LINGO2: variants seen among roughly 807,000 people sequenced by gnomAD.
The protein encoded by LINGO2 is leucine-rich repeat and immunoglobulin-like domain-containing nogo receptor-interacting protein 2.
Under a neutral mutation model 30.6 loss-of-function variants are expected in LINGO2, and 14 were observed. The ratio of observed to expected loss-of-function variants is 0.46; its 90% CI spans 0.30 to 0.72. The LOEUF is 0.72. LINGO2 is among the 30% of genes least tolerant of loss of function. The probability of loss-of-function intolerance (pLI) is 0.07; values close to 1 mark genes in which losing one functional copy is unlikely to be tolerated. For missense variants in LINGO2, 729 were observed against 751.7 expected (o/e 0.97, Z 0.35); for synonymous variants, 317 against 288.5 (o/e 1.10, Z -1.00).
chr9:28,943,309 G>C, the LINGO2 span, among the ~76,000 whole-genome samples: 2 of 151,946 alleles, frequency 1.3e-5, no homozygotes, highest in Non-Finnish European at 2.9e-5. Context: ...GACTACTATG[G>C]GAATTAAATA....
chr9:29,115,862 ATAAT>A, the LINGO2 span, among the ~76,000 whole-genome samples: 21 of 152,160 alleles, frequency 1.4e-4, no homozygotes, highest in South Asian at 3.3e-3. Flanking sequence ...ACATAAATAA[ATAAT>A]ATCTAGAAAA....
chr9:28,987,595 G>A, the LINGO2 span, among the ~76,000 whole-genome samples: 1 of 151,746 alleles, frequency 6.6e-6, no homozygotes, highest in Non-Finnish European at 1.5e-5. Context: ...GACTTAGTTT[G>A]TTCTTCTTTT....
the LINGO2 span, among the ~76,000 whole-genome samples, chr9:29,029,210 G>T: frequency 6.6e-6 from 1 of 152,240 alleles, no homozygotes; most frequent in East Asian, 1.9e-4. Context: ...GATTAAGGTT[G>T]TGGGCCCTGA....
At chr9:28,093,927 A>G (rs768608850) in intron 4 of LINGO2, among the ~76,000 whole-genome samples, 20 of 152,160 alleles carry the variant, frequency 1.3e-4, no homozygotes, top group East Asian at 3.9e-4. Flanking sequence ...GATTGTAGTG[A>G]AGGTACATGC....
intron 4 of LINGO2, among the ~76,000 whole-genome samples, chr9:28,108,762 T>G (rs1826674860): frequency 1.3e-5 from 2 of 152,136 alleles, no homozygotes; most frequent in Non-Finnish European, 2.9e-5. Flanking sequence ...TTCTGAACAC[T>G]TAGTTCTTTC....
At chr9:28,208,606 G>C (rs1445477038) in intron 4 of LINGO2, among the ~76,000 whole-genome samples, 1 of 151,864 alleles carries the variant, frequency 6.6e-6, no homozygotes, top group Non-Finnish European at 1.5e-5. Context: ...TGGTTTCCTG[G>C]AGTACACAGC....
intron 4 of LINGO2, among the ~76,000 whole-genome samples, chr9:28,263,084 G>A (rs1439103464): frequency 4.6e-5 from 7 of 151,800 alleles, no homozygotes. Flanking sequence ...CTGTTATCTT[G>A]CAGTCCTCTT....
chr9:29,107,174 A>G, the LINGO2 span, among the ~76,000 whole-genome samples: 3 of 152,182 alleles, frequency 2.0e-5, no homozygotes, highest in African/African-American at 7.2e-5. Context: ...GGAAGAAAAA[A>G]TAATAAATCC....
At chr9:28,929,916 C>T in the LINGO2 span, among the ~76,000 whole-genome samples, 1 of 152,140 alleles carries the variant, frequency 6.6e-6, no homozygotes, top group African/African-American at 2.4e-5. Context: ...ACCTCATTTC[C>T]TTAACACCTT....
intron 1 of LINGO2, among the ~76,000 whole-genome samples, chr9:28,625,812 A>T (rs1175700113): frequency 6.6e-6 from 1 of 152,088 alleles, no homozygotes; most frequent in African/African-American, 2.4e-5. Flanking sequence ...CACTGTTTGC[A>T]TCGTATAGCT....
intron 2 of LINGO2, among the ~76,000 whole-genome samples, chr9:28,429,180 C>A (rs1345983333): frequency 1.3e-5 from 2 of 152,102 alleles, no homozygotes; most frequent in African/African-American, 4.8e-5. Flanking sequence ...GAAATAGATA[C>A]AAAGAGTATT....
chr9:28,923,616 A>G, the LINGO2 span, among the ~76,000 whole-genome samples: 25 of 127,318 alleles, frequency 2.0e-4, no homozygotes, highest in African/African-American at 5.8e-4. Context: ...CTTGGCATAC[A>G]ACAGGATGGG....
chr9:28,663,632 A>C (rs1419968014), intron 1 of LINGO2, among the ~76,000 whole-genome samples: 1 of 152,214 alleles, frequency 6.6e-6, no homozygotes, highest in East Asian at 1.9e-4. Context: ...CCTCTGCTTC[A>C]TATCTCCAAA....
At chr9:28,222,526 A>AT (rs71502443) in intron 4 of LINGO2, among the ~76,000 whole-genome samples, 2 of 143,276 alleles carry the variant, frequency 1.4e-5, no homozygotes, top group East Asian at 2.0e-4. Flanking sequence ...TAAAGGCAAA[A>AT]TTTAAAAAAA....
the LINGO2 span, among the ~76,000 whole-genome samples, chr9:28,765,649 C>T: frequency 6.6e-6 from 1 of 151,916 alleles, no homozygotes; most frequent in Non-Finnish European, 1.5e-5. Context: ...GTGTCTACTT[C>T]CCCTTTGACC....
intron 3 of LINGO2, among the ~76,000 whole-genome samples, chr9:28,355,884 C>T (rs1370005379): frequency 6.6e-6 from 1 of 152,154 alleles, no homozygotes; most frequent in Non-Finnish European, 1.5e-5. Context: ...TCATGCTACA[C>T]AAATGTGCAA....
chr9:28,968,666 G>T, the LINGO2 span, among the ~76,000 whole-genome samples: 1 of 152,098 alleles, frequency 6.6e-6, no homozygotes, highest in African/African-American at 2.4e-5. Flanking sequence ...TGCAGAGAAT[G>T]AATTAGATCT....
the LINGO2 span, among the ~76,000 whole-genome samples, chr9:29,081,259 C>T: frequency 6.6e-6 from 1 of 151,412 alleles, no homozygotes; most frequent in African/African-American, 2.4e-5. Context: ...ATCCCTGGGA[C>T]TGCAAGGCTG....
the LINGO2 span, among the ~76,000 whole-genome samples, chr9:28,872,831 A>T: frequency 1.9e-4 from 29 of 152,256 alleles, no homozygotes; most frequent in African/African-American, 6.3e-4. Context: ...AAAACCAGGA[A>T]GATTTTCCCA....
Sources: gnomAD v4.1 joint callset for allele counts (sites outside exome capture counted in the v4.1 genomes callset) on GRCh38, gnomAD v4.1.1 for gene constraint, MANE v1.5 for transcripts, NCBI Gene and HGNC (gene_info 2026-07-23, HGNC 2026-07-21) for gene names.